NIPBL: variants seen among roughly 807,000 people sequenced by gnomAD.
NIPBL encodes NIPBL cohesin loading factor.
A neutral mutation model predicts 321.8 loss-of-function variants in NIPBL; 19 were observed. The ratio of observed to expected loss-of-function variants is 0.06; its 90% CI spans 0.04 to 0.09. The LOEUF is 0.09. NIPBL is among the 10% of genes least tolerant of loss of function. The probability of loss-of-function intolerance (pLI) is 1.00; values close to 1 mark genes in which losing one functional copy is unlikely to be tolerated. For synonymous variants in NIPBL, 1,106 were observed against 1,114.1 expected (o/e 0.99, Z 0.14); for missense variants, 2,210 against 3,327.0 (o/e 0.66, Z 8.26).
At chr5:37,062,785 C>T (rs537402258) in intron 45 of NIPBL, among the ~76,000 whole-genome samples, 4 of 152,110 alleles carry the variant, frequency 2.6e-5, no homozygotes, top group East Asian at 1.9e-4. Flanking sequence ...CCAGACATGG[C>T]GGTGTGCACC....
intron 1 of NIPBL, among the ~76,000 whole-genome samples, chr5:36,908,267 C>T (rs1747792392): frequency 6.6e-6 from 1 of 152,128 alleles, no homozygotes; most frequent in African/African-American, 2.4e-5. Context: ...CTTAAACATT[C>T]TTTAAGTCTT....
chr5:37,050,479 CAAAA>C (rs370627067), intron 40 of NIPBL, among the ~76,000 whole-genome samples: 1 of 82,200 alleles, frequency 1.2e-5, no homozygotes. Flanking sequence ...GACTCCATCT[CAAAA>C]AAAAAAAAAA....
intron 33 of NIPBL, among the ~76,000 whole-genome samples, chr5:37,037,356 C>G (rs1021535710): frequency 6.7e-6 from 1 of 149,646 alleles, no homozygotes; most frequent in Non-Finnish European, 1.5e-5. Flanking sequence ...CCACTGCACT[C>G]CAGCCTGGGT....
chr5:37,029,209 A>G (rs1017637097), intron 32 of NIPBL, among the ~76,000 whole-genome samples: 1 of 152,150 alleles, frequency 6.6e-6, no homozygotes, highest in African/African-American at 2.4e-5. Context: ...AACATACAGG[A>G]TTTCACCCTA....
Position 37,024,756 on chromosome 5 carries a change from G to T in NIPBL, c.5709+37G>T, listed in dbSNP as rs761044079. ...TGTTTTAAATTTATTTTTCATTAATGTTTAAAATAAGTTAAATGTTTATTG... is the reference window on the plus strand; with the variant it reads ...TGTTTTAAATTTATTTTTCATTAATTTTTAAAATAAGTTAAATGTTTATTG... On this transcript the variant is annotated intron_variant, in intron 30 of 46. Transcript: ENST00000282516. 4 of 1,532,314 alleles carry T rather than the reference G, an allele frequency of 2.6e-6. No individual in the cohort carries two copies. The Admixed American group carries it at 7.0e-5, about 27-fold the overall frequency. 94.9% of individuals were successfully genotyped at this position (1,532,314 alleles called of 1,614,324 possible).
intron 30 of NIPBL, among the ~76,000 whole-genome samples, 196 bp from the exon 31 acceptor site, chr5:37,026,033 A>AC (rs1750227278): frequency 6.6e-6 from 1 of 152,164 alleles, no homozygotes; most frequent in African/African-American, 2.4e-5. Context: ...TAAAATCTTT[A>AC]CCAAATTGAA....
rs759120298 is a variant in NIPBL, at chr5:37,007,359, G to C, written c.4124G>C (p.Cys1375Ser). Reference sequence around the variant, plus strand: ...AGTTCAAAAGCAAAACGGGCTAAATGTTCTACCCATAAGCAGAGAGTAATA... The same window carrying C: ...AGTTCAAAAGCAAAACGGGCTAAATCTTCTACCCATAAGCAGAGAGTAATA... The part of the protein sequence containing the change: ...LLSSKAKRAK[C>S]STHKQRVIVM... The change falls in exon 18 of 47, where the codon TGT becomes TCT. Residue 1375 changes from cysteine to serine, a missense_variant. Cys to Ser is a moderately radical substitution (Grantham distance 112). Around this residue, in one of 14 missense-constraint regions of NIPBL, gnomAD observed 381 missense variants for 642.3 expected, o/e 0.59. Transcript: ENST00000282516. 1.2e-6 allele frequency: 2 copies of C among 1,612,230 alleles called. No homozygotes were observed. Among genetic ancestry groups the C allele is most frequent in the Admixed American group, 3.3e-5 (2 of 59,914 alleles).
chr5:36,973,379 G>T (rs1448150229), intron 8 of NIPBL, among the ~76,000 whole-genome samples: 1 of 150,852 alleles, frequency 6.6e-6, no homozygotes, highest in East Asian at 1.9e-4. Context: ...TTAAGTTCTG[G>T]GATACATGTG....
chr5:36,970,638 G>A lies in NIPBL; in HGVS notation c.611-238G>A, dbSNP rs77660289. On this transcript the variant is annotated intron_variant, in intron 6 of 46. Transcript: ENST00000282516. ...TAGGGAGTAAAAGGAAAGGAATAGA[G>A]GAGAGAAATAACAGATAAATGGAGA... 0.022 allele frequency among the ~76,000 whole-genome samples: 3,272 copies of A among 151,860 alleles called. 92 individuals carry two copies. The highest frequency in any genetic ancestry group is 0.068 in the African/African-American group (2,814 of 41,416).
intron 1 of NIPBL, among the ~76,000 whole-genome samples, chr5:36,900,730 C>A (rs1435303740): frequency 6.6e-6 from 1 of 151,968 alleles, no homozygotes; most frequent in East Asian, 1.9e-4. Context: ...GAGGCTGATT[C>A]ATTAGCTTTA....
rs1195840002 is a variant in NIPBL at position 37,020,685 on chromosome 5, G to T, written c.5225+12G>T. The T allele has an allele frequency of 1.9e-6, 3 of 1,609,426 alleles. No individual in the cohort carries two copies. ...TTTAGCACATTAAAGTAAGATCCAA[G>T]GAGAAAACAGTTTACATTTATCTCC... is the stretch of plus-strand genomic sequence containing the variant. On this transcript the variant is annotated intron_variant, in intron 26 of 46. Transcript: ENST00000282516.
chr5:37,038,857 T>C, intron 34 of NIPBL, 119 bp downstream of exon 34: 1 of 997,474 alleles, frequency 1.0e-6, no homozygotes, highest in Admixed American at 2.2e-5. Flanking sequence ...TTTACTTAGA[T>C]ATATGTACTA....
chr5:36,955,424 A>T (rs756534084), intron 2 of NIPBL, 48 bp from the exon 3 acceptor site: 4 of 1,465,014 alleles, frequency 2.7e-6, no homozygotes, highest in Non-Finnish European at 1.9e-6. Flanking sequence ...CACTAAAGAG[A>T]CTTCTATAGT....
chr5:37,022,016 T>C (rs776703372), intron 27 of NIPBL, 35 bp from the exon 28 acceptor site: 7 of 1,545,496 alleles, frequency 4.5e-6, no homozygotes, highest in Non-Finnish European at 5.4e-6. Context: ...TTATGTATTC[T>C]AAAATTTACA....
At chr5:36,984,484 A>G (rs780354197) in intron 9 of NIPBL, among the ~76,000 whole-genome samples, 192 bp from the exon 10 acceptor site, 13 of 152,166 alleles carry the variant, frequency 8.5e-5, no homozygotes, top group Non-Finnish European at 1.6e-4. Flanking sequence ...TCTCTCAAGC[A>G]TATTTCTTCA....
intron 19 of NIPBL, 126 bp from the exon 20 acceptor site, chr5:37,008,497 A>G: frequency 4.6e-6 from 3 of 646,288 alleles, no homozygotes; most frequent in Admixed American, 2.7e-5. Context: ...AAAATAGAGC[A>G]GCTTACCTTA....
intron 41 of NIPBL, 121 bp from the exon 42 acceptor site, chr5:37,052,245 T>C: frequency 1.3e-6 from 1 of 766,314 alleles, no homozygotes; most frequent in Non-Finnish European, 2.2e-6. Flanking sequence ...CATTCTGTGA[T>C]TCGTATTATT....
intron 9 of NIPBL, among the ~76,000 whole-genome samples, chr5:36,978,927 A>AT (rs1340279733): frequency 6.6e-6 from 1 of 151,748 alleles, no homozygotes; most frequent in Non-Finnish European, 1.5e-5. Context: ...TGGGTTCTCT[A>AT]TCCTGTTCCA....
intron 3 of NIPBL, among the ~76,000 whole-genome samples, chr5:36,957,243 G>A (rs1304893930): frequency 5.3e-5 from 8 of 152,146 alleles, no homozygotes. Context: ...GCTGTGAAGT[G>A]TATTGAAATT....
Sources: gnomAD v4.1 joint callset for allele counts (sites outside exome capture counted in the v4.1 genomes callset) on GRCh38, gnomAD v4.1.1 for gene constraint, gnomAD v4.1.1 regional missense constraint, MANE v1.5 for transcripts, NCBI Gene and HGNC (gene_info 2026-07-23, HGNC 2026-07-21) for gene names.